Variants in ATRNL1 observed in about 807,000 individuals in gnomAD.
ATRNL1 encodes attractin-like protein 1.
In ATRNL1, 95 loss-of-function variants were observed where a neutral mutation model predicts 182.7. The ratio of observed to expected loss-of-function variants is 0.52; its 90% CI spans 0.44 to 0.62. The LOEUF (loss-of-function observed/expected upper bound fraction) is 0.62. Ranked by LOEUF, ATRNL1 falls within the 20% of genes least tolerant of loss-of-function variation. The pLI is 0.00. For missense variants in ATRNL1, 1,471 were observed against 1,679.5 expected (o/e 0.88, Z 2.17); for synonymous variants, 576 against 568.3 (o/e 1.01, Z -0.19).
chr10:115,191,195 C>T (rs1278986673), intron 8 of ATRNL1, among the ~76,000 whole-genome samples: 1 of 152,100 alleles, frequency 6.6e-6, no homozygotes, highest in Non-Finnish European at 1.5e-5. Flanking sequence ...GCAGATATCT[C>T]TTTGATATAC....
At chr10:115,813,285 C>A (rs1950089485) in intron 27 of ATRNL1, among the ~76,000 whole-genome samples, 1 of 151,746 alleles carries the variant, frequency 6.6e-6, no homozygotes, top group Non-Finnish European at 1.5e-5. Flanking sequence ...CCCTGACATC[C>A]CTGCAGGGAT....
chr10:115,257,346 C>G (rs1851194214), intron 10 of ATRNL1, among the ~76,000 whole-genome samples: 1 of 152,120 alleles, frequency 6.6e-6, no homozygotes, highest in African/African-American at 2.4e-5. Context: ...TCATAGTTAG[C>G]TCTTCTTGTT....
chr10:115,463,567 T>G (rs946076161), intron 22 of ATRNL1, among the ~76,000 whole-genome samples: 7 of 152,074 alleles, frequency 4.6e-5, no homozygotes, highest in Non-Finnish European at 8.8e-5. Flanking sequence ...TTCAATGGCA[T>G]TAAGTATATT....
rs1554918852 is a variant in ATRNL1, at chr10:115,286,282, A to C, written c.2300A>C (p.Glu767Ala). Residue 767 changes from glutamate to alanine, a missense_variant, in exon 15 of 29, where the codon GAA (glutamate) becomes GCA (alanine). By Grantham distance (107) the Glu-to-Ala change is moderately radical. Transcript: ENST00000355044. ...TGTCTTAGAGTCAATTCCAGTAGAG[A>C]AAACTATGACAATGCAAAACTTTAT... is the stretch of plus-strand genomic sequence containing the variant. Reference protein sequence around the residue: ...DACLRVNSSRENYDNAKLYCY... With the variant: ...DACLRVNSSRANYDNAKLYCY... 5 of 1,599,884 alleles carry C rather than the reference A, an allele frequency of 3.1e-6. No homozygotes were observed. Among genetic ancestry groups the C allele is most frequent in the Non-Finnish European group, 4.3e-6 (5 of 1,167,874 alleles).
intron 28 of ATRNL1, among the ~76,000 whole-genome samples, chr10:115,944,146 T>A (rs2134631608): frequency 6.6e-6 from 1 of 151,846 alleles, no homozygotes; most frequent in South Asian, 2.1e-4. Context: ...CCAATGGAAC[T>A]ATGCAACAGA....
chr10:115,927,487 A>G (rs1335090782), intron 28 of ATRNL1, among the ~76,000 whole-genome samples: 1 of 152,132 alleles, frequency 6.6e-6, no homozygotes, highest in Non-Finnish European at 1.5e-5. Context: ...TTAGAAGAGA[A>G]CATGGGAGAA....
At chr10:115,369,136 C>T (rs868971884) in intron 19 of ATRNL1, among the ~76,000 whole-genome samples, 9 of 151,432 alleles carry the variant, frequency 5.9e-5, no homozygotes, top group African/African-American at 9.7e-5. Flanking sequence ...TGTAAAACAC[C>T]GGATTTGCTT....
At chr10:115,673,416 G>C (rs1432231884) in intron 26 of ATRNL1, among the ~76,000 whole-genome samples, 1 of 152,016 alleles carries the variant, frequency 6.6e-6, no homozygotes, top group Non-Finnish European at 1.5e-5. Context: ...TACAGTAAGA[G>C]CTGGCATGTA....
At chr10:115,470,198 G>C (rs1848239246) in intron 24 of ATRNL1, among the ~76,000 whole-genome samples, 1 of 150,008 alleles carries the variant, frequency 6.7e-6, no homozygotes, top group Non-Finnish European at 1.5e-5. Context: ...AAGAATGAGT[G>C]ATTTTTAAAA....
At chr10:115,131,320 A>G (rs1241751773) in intron 5 of ATRNL1, among the ~76,000 whole-genome samples, 1 of 152,130 alleles carries the variant, frequency 6.6e-6, no homozygotes, top group Non-Finnish European at 1.5e-5. Context: ...AAATTATAAA[A>G]CGCAGAAATA....
At chr10:115,459,803 C>G (rs1592689520) in intron 21 of ATRNL1, among the ~76,000 whole-genome samples, 1 of 152,236 alleles carries the variant, frequency 6.6e-6, no homozygotes, top group Non-Finnish European at 1.5e-5. Flanking sequence ...GTTTTTGTGG[C>G]TCATGGGGCA....
chr10:115,721,688 G>A (rs1295401083), intron 26 of ATRNL1, among the ~76,000 whole-genome samples: 4 of 152,158 alleles, frequency 2.6e-5, no homozygotes, highest in Non-Finnish European at 5.9e-5. Flanking sequence ...CCCACAACAC[G>A]AGAGATTTCT....
intron 17 of ATRNL1, among the ~76,000 whole-genome samples, chr10:115,310,596 C>A (rs947985704): frequency 2.6e-5 from 4 of 152,082 alleles, no homozygotes; most frequent in African/African-American, 9.7e-5. Context: ...TCCATTTCCA[C>A]TAGATTTTCT....
intron 18 of ATRNL1, among the ~76,000 whole-genome samples, chr10:115,326,140 A>G (rs1854865495): frequency 1.3e-5 from 2 of 152,330 alleles, no homozygotes; most frequent in South Asian, 2.1e-4. Context: ...GAGGAAGTCA[A>G]ATTGTCCCTG....
At chr10:115,621,276 T>TATATATATATAGAGAG (rs1268020830) in intron 26 of ATRNL1, among the ~76,000 whole-genome samples, 79 of 47,560 alleles carry the variant, frequency 1.7e-3, no homozygotes, top group Non-Finnish European at 2.3e-3. Context: ...TATATATATA[T>TATATATATATAGAGAG]AGAGAGAGAG....
rs933520113 is a variant in ATRNL1, at chr10:115,612,960, T to C, written c.3795+63424T>C. On this transcript the variant is annotated intron_variant, in intron 26 of 28. Transcript: ENST00000355044. ...CCATCTCAAGCATCTCATAGTTAGG[T>C]TTTATTTCTCAGTGCTGGTATGATC... Among the ~76,000 whole-genome samples, 9 of 152,274 alleles carry C rather than the reference T, an allele frequency of 5.9e-5. No individual in the cohort carries two copies. In the South Asian group the frequency reaches 1.7e-3, roughly 28 times the overall value.
intron 8 of ATRNL1, among the ~76,000 whole-genome samples, chr10:115,177,875 T>TG (rs1847580492): frequency 1.4e-5 from 2 of 147,190 alleles, no homozygotes; most frequent in African/African-American, 5.0e-5. Flanking sequence ...GGAGCTGTGT[T>TG]TTTTTTTTTT....
intron 20 of ATRNL1, among the ~76,000 whole-genome samples, chr10:115,395,694 A>G (rs151028668): frequency 2.0e-5 from 3 of 150,416 alleles, no homozygotes; most frequent in East Asian, 3.9e-4. Flanking sequence ...CTCTACTGCT[A>G]CTCTCCTCTC....
chr10:115,227,108 A>G (rs1282892438), intron 9 of ATRNL1, among the ~76,000 whole-genome samples: 3 of 152,196 alleles, frequency 2.0e-5, no homozygotes, highest in Non-Finnish European at 4.4e-5. Flanking sequence ...CTTCACAGCA[A>G]AAGAAACCAT....
Sources: gnomAD v4.1 joint callset for allele counts (sites outside exome capture counted in the v4.1 genomes callset) on GRCh38, gnomAD v4.1.1 for gene constraint, MANE v1.5 for transcripts, NCBI Gene and HGNC (gene_info 2026-07-23, HGNC 2026-07-21) for gene names.